Variants in SETBP1 observed in about 807,000 individuals in gnomAD.
The protein encoded by SETBP1 is SET-binding protein.
Under a neutral mutation model 101.0 loss-of-function variants are expected in SETBP1, and 9 were observed. The observed-to-expected ratio is 0.09, with a 90% CI of 0.05 to 0.16. The LOEUF is 0.16. Ranked by LOEUF, SETBP1 falls within the 10% of genes least tolerant of loss-of-function variation. SETBP1 has a pLI of 1.00. For missense variants in SETBP1, 1,858 were observed against 2,033.8 expected, an observed-to-expected ratio of 0.91 and a Z score of 1.66; for synonymous variants, 818 against 788.5, an observed-to-expected ratio of 1.04 and a Z score of -0.63.
At chr18:44,844,976 A>T (rs541525387) in intron 2 of SETBP1, among the ~76,000 whole-genome samples, 27 of 152,066 alleles carry the variant, frequency 1.8e-4, no homozygotes, top group Non-Finnish European at 2.6e-4. Context: ...CTTGATGGAG[A>T]GGAGGGTCTT....
intron 5 of SETBP1, among the ~76,000 whole-genome samples, chr18:45,043,803 A>G (rs4890508): frequency 0.13 from 19,355 of 152,136 alleles, 1,866 homozygotes; most frequent in African/African-American, 0.27. Context: ...AAAATTAATT[A>G]CCATTACAAA....
chr18:45,002,122 C>A (rs993095798), intron 4 of SETBP1, among the ~76,000 whole-genome samples: 1 of 152,150 alleles, frequency 6.6e-6, no homozygotes, highest in African/African-American at 2.4e-5. Context: ...AGTTCAGTTC[C>A]CTGGCTCCCT....
intron 4 of SETBP1, among the ~76,000 whole-genome samples, chr18:45,006,187 C>T (rs1317436005): frequency 6.6e-6 from 1 of 151,902 alleles, no homozygotes; most frequent in East Asian, 1.9e-4. Flanking sequence ...CTCTTGACCT[C>T]ATGATCCTCC....
chr18:44,910,880 C>T (rs2070291870), intron 3 of SETBP1, among the ~76,000 whole-genome samples: 1 of 152,120 alleles, frequency 6.6e-6, no homozygotes. Context: ...TTGCCCCCTG[C>T]CCCTCACACC....
At chr18:44,895,793 A>G (rs2069887518) in intron 3 of SETBP1, among the ~76,000 whole-genome samples, 2 of 152,190 alleles carry the variant, frequency 1.3e-5, no homozygotes, top group Non-Finnish European at 1.5e-5. Flanking sequence ...ACTTCTCTTC[A>G]GGAAAAATTA....
At chr18:45,023,488 T>A (rs867441586) in intron 4 of SETBP1, among the ~76,000 whole-genome samples, 2 of 152,222 alleles carry the variant, frequency 1.3e-5, no homozygotes, top group Non-Finnish European at 2.9e-5. Flanking sequence ...ACTGAAACTT[T>A]TACTGAATAA....
At chr18:44,738,920 GT>G (rs1364455533) in intron 2 of SETBP1, among the ~76,000 whole-genome samples, 4 of 152,274 alleles carry the variant, frequency 2.6e-5, no homozygotes, top group African/African-American at 9.6e-5. Context: ...ATTTCTGGGG[GT>G]TAAAGTCAGA....
chr18:44,861,229 C>CTTTTTTTTTTTT (rs775284488), intron 2 of SETBP1, among the ~76,000 whole-genome samples: 119 of 88,330 alleles, frequency 1.3e-3, no homozygotes, highest in Non-Finnish European at 1.9e-3. Flanking sequence ...TTTTTCTTTT[C>CTTTTTTTTTTTT]TTTTTTTTTT....
intron 2 of SETBP1, among the ~76,000 whole-genome samples, chr18:44,731,829 C>G (rs777682954): frequency 6.6e-6 from 1 of 152,148 alleles, no homozygotes; most frequent in South Asian, 2.1e-4. Context: ...GCCTGGTCCA[C>G]GTGAAGACAG....
Position 44,951,341 on chromosome 18 carries a change from T to A in SETBP1, c.2001T>A (p.Asn667Lys), listed in dbSNP as rs748578359. Residue 667 changes from asparagine to lysine, a missense_variant, in exon 4 of 6, where the codon AAT becomes AAA. Transcript: ENST00000649279. The surrounding 1 kb of genome is among the most constrained non-coding windows in gnomAD (Gnocchi z 7.8). ...ATAAGAAGACCATCAAAACTATCAATAAGATGAAGACACTCAAGAGGAAAA... is the reference window on the plus strand; with the variant it reads ...ATAAGAAGACCATCAAAACTATCAAAAAGATGAAGACACTCAAGAGGAAAA... ...VLDKKTIKTI[N>K]KMKTLKRKNI... 1 of 1,613,808 alleles carries A rather than the reference T, an allele frequency of 6.2e-7. No homozygotes were observed. The highest frequency in any genetic ancestry group is 8.5e-7 in the Non-Finnish European group (1 of 1,180,010).
At chr18:44,714,604 G>C (rs1020446162) in intron 2 of SETBP1, among the ~76,000 whole-genome samples, 1 of 151,786 alleles carries the variant, frequency 6.6e-6, no homozygotes, top group Non-Finnish European at 1.5e-5. Flanking sequence ...GTCTCTCGGG[G>C]TGTGTGTATG....
intron 2 of SETBP1, among the ~76,000 whole-genome samples, chr18:44,813,039 C>T (rs1263223044): frequency 6.6e-6 from 1 of 150,952 alleles, no homozygotes; most frequent in Non-Finnish European, 1.5e-5. Flanking sequence ...AGAGAGGATA[C>T]AGGATGTAAA....
In SETBP1 at chr18:44,891,355, A is replaced by G. The variant is rs186928610; in HGVS notation, c.540+22072A>G. 2.2e-3 allele frequency among the ~76,000 whole-genome samples: 329 copies of G among 152,300 alleles called. 3 individuals carry two copies. The highest frequency in any genetic ancestry group is 3.4e-3 in the Middle Eastern group (1 of 294). ...AACAGAAGCACTCATATATTTGATC[A>G]TCTAGGTTTGATCTACATTTTATTA... On this transcript the variant is annotated intron_variant, in intron 3 of 5. Coordinates refer to ENST00000649279, the MANE Select transcript of SETBP1 (RefSeq NM_015559.3).
chr18:44,994,531 C>T (rs1041781328), intron 4 of SETBP1, among the ~76,000 whole-genome samples: 2 of 152,188 alleles, frequency 1.3e-5, no homozygotes, highest in African/African-American at 4.8e-5. Flanking sequence ...CAGTTTCATT[C>T]CTCCATGTCT....
At chr18:44,970,983 A>G (rs1273374950) in intron 4 of SETBP1, among the ~76,000 whole-genome samples, 2 of 151,702 alleles carry the variant, frequency 1.3e-5, no homozygotes, top group Admixed American at 6.6e-5. Context: ...TCTTCATTTA[A>G]CATTAGGTAT....
chr18:44,796,323 T>C (rs1364451575), intron 2 of SETBP1, among the ~76,000 whole-genome samples: 1 of 152,142 alleles, frequency 6.6e-6, no homozygotes, highest in Non-Finnish European at 1.5e-5. Context: ...TAAGTAAAGT[T>C]TTAGAGCTAG....
At chr18:44,981,977 T>C (rs1341956899) in intron 4 of SETBP1, among the ~76,000 whole-genome samples, 2 of 152,156 alleles carry the variant, frequency 1.3e-5, no homozygotes, top group Admixed American at 6.5e-5. Context: ...GCCATATACA[T>C]TGGAAATGTG....
intron 4 of SETBP1, among the ~76,000 whole-genome samples, chr18:44,955,674 G>A (rs1010143732): frequency 6.6e-6 from 1 of 152,180 alleles, no homozygotes. Context: ...TCTAAGCCCA[G>A]AACTTTGCCT....
intron 2 of SETBP1, among the ~76,000 whole-genome samples, chr18:44,848,072 G>GGTGTGT (rs4024595): frequency 1.2e-3 from 171 of 148,632 alleles, no homozygotes; most frequent in Middle Eastern, 3.5e-3. Flanking sequence ...ACTCTCTGAA[G>GGTGTGT]GTGTGTGTGT....
Sources: allele counts gnomAD v4.1 joint callset (sites outside exome capture counted in the v4.1 genomes callset), GRCh38; gene constraint gnomAD v4.1.1; non-coding constraint Gnocchi (gnomAD v3.1); transcripts MANE v1.5; gene names NCBI Gene and HGNC (gene_info 2026-07-23, HGNC 2026-07-21).